SMC1A: variants seen among roughly 807,000 people sequenced by gnomAD.
SMC1A encodes the protein structural maintenance of chromosomes protein 1A.
SMC1A carries 4 observed loss-of-function variants against 94.5 expected under a neutral mutation model. The ratio of observed to expected loss-of-function variants is 0.04; its 90% CI spans 0.02 to 0.10. The LOEUF (loss-of-function observed/expected upper bound fraction) is 0.10, where lower values mean the gene tolerates loss of function less well. Among genes scored for constraint, SMC1A ranks in the 10% least tolerant of loss-of-function variants. The pLI is 1.00. For synonymous variants in SMC1A, 345 were observed against 347.7 expected (o/e 0.99, Z 0.09); for missense variants, 304 against 989.0 (o/e 0.31, Z 9.29).
intron 23 of SMC1A, 112 bp downstream of exon 23, chrX:53,380,892 GGGCCCAGCCTCCCA>G: frequency 4.4e-6 from 3 of 676,207 alleles, no homozygotes; most frequent in Non-Finnish European, 7.3e-6. Flanking sequence ...GGATGACTCT[GGGCCCAGCCTCCCA>G]GGCACAGAGA....
chrX:53,389,906 A>C (rs1328620115), intron 19 of SMC1A, among the ~76,000 whole-genome samples: 1 of 88,988 alleles, frequency 1.1e-5, no homozygotes, highest in African/African-American at 4.4e-5. Context: ...CTGGAGTGCA[A>C]TGGCGTGATC....
At position 53,375,381 on chromosome X, in the gene SMC1A, G is replaced by A. The variant is rs2075556177; in HGVS notation, c.*4722C>T. The A allele has an allele frequency of 8.9e-6, 1 of 111,765 alleles. No individual in the cohort carries two copies. The highest frequency in any genetic ancestry group is 3.3e-5 in the African/African-American group (1 of 30,667). 9.2% of individuals were successfully genotyped at this position (111,765 alleles called of 1,213,427 possible). A position where few individuals can be genotyped will look rare whatever the true frequency, so the allele number is the denominator to read the frequency against. On this transcript the variant is annotated 3_prime_UTR_variant, in exon 25 of 25. Coordinates refer to ENST00000322213, the MANE Select transcript of SMC1A (RefSeq NM_006306.4). ...CTTCCTAGCAGTCGGACCTTAGGAAGTTAATTCCCCTCTGAGGACCTCAGA... is the reference window on the plus strand; with the variant it reads ...CTTCCTAGCAGTCGGACCTTAGGAAATTAATTCCCCTCTGAGGACCTCAGA...
intron 23 of SMC1A, 85 bp downstream of exon 23, chrX:53,380,933 G>T: frequency 2.4e-6 from 2 of 836,895 alleles, no homozygotes; most frequent in Non-Finnish European, 3.6e-6. Context: ...AGCAGGAACG[G>T]CTAGGGCACG....
rs1556890216 is a variant in SMC1A at position 53,409,481 on chromosome X, C to T, written c.1277G>A (p.Arg426Gln). 8.3e-7 allele frequency: 1 copy of T among 1,210,605 alleles called. No homozygotes were observed. ...ETEAKIKQKL[R>Q]EIEENQKRIE... ...CCGCTTCTGATTCTCTTCAATTTCCCGCAGCTTTTGCTTGATCTTGGCCTG... is the reference window on the plus strand; with the variant it reads ...CCGCTTCTGATTCTCTTCAATTTCCTGCAGCTTTTGCTTGATCTTGGCCTG... The change falls in exon 8 of 25, where the codon CGG becomes CAG. Residue 426 changes from arginine to glutamine, a missense_variant. Transcript: ENST00000322213.
At position 53,382,354 on chromosome X, in the gene SMC1A, C is replaced by T; in HGVS notation, c.3315G>A (p.Glu1105=). ...TGTAGTTGATGCCATCCAAGTAGGG[C>T]TCTTCAGGGTTCTCAGGGCCCAGGA... ...QAFLGPENPE[E]PYLDGINYNC... The change falls in exon 22 of 25, where the codon GAG becomes GAA. Residue 1105 remains glutamate (E), a synonymous_variant. Transcript: ENST00000322213. 2.5e-6 allele frequency: 3 copies of T among 1,209,650 alleles called. No homozygotes were observed. Among genetic ancestry groups the T allele is most frequent in the South Asian group, 3.5e-5 (2 of 56,581 alleles).
chrX:53,385,426 A>G (rs1458857855), intron 19 of SMC1A, among the ~76,000 whole-genome samples: 1 of 107,264 alleles, frequency 9.3e-6, no homozygotes, highest in African/African-American at 3.4e-5. Context: ...ACCCGCCACC[A>G]TGCCCGGCTA....
chrX:53,413,515 G>T, intron 3 of SMC1A, 80 bp from the exon 4 acceptor site: 1 of 942,563 alleles, frequency 1.1e-6, no homozygotes, highest in Non-Finnish European at 1.5e-6. Context: ...CCTTCACCCA[G>T]AAAAAGTTAC....
rs782746415 is a variant in SMC1A, at chrX:53,378,107, T to C, written c.*1996A>G. On this transcript the variant is annotated 3_prime_UTR_variant, in exon 25 of 25. Coordinates refer to ENST00000322213, the MANE Select transcript of SMC1A (RefSeq NM_006306.4). ...TAGGATAACAATGTTAGACCTCAGA[T>C]CAACCTCAAGAAAAATACTGAGTAA... 5 of 112,190 alleles carry C rather than the reference T, an allele frequency of 4.5e-5. No homozygotes were observed. The highest frequency in any genetic ancestry group is 2.8e-4 in the East Asian group (1 of 3,614). The allele number at this position is 112,190 out of a possible 1,213,427, so 9.2% of individuals were successfully genotyped here.
chrX:53,388,996 CAA>C (rs782012322), intron 19 of SMC1A, among the ~76,000 whole-genome samples: 7 of 31,314 alleles, frequency 2.2e-4, no homozygotes, highest in African/African-American at 4.6e-4. Context: ...GACTCCATCT[CAA>C]AAAAAAAAAA....
intron 13 of SMC1A, among the ~76,000 whole-genome samples, 171 bp from the exon 14 acceptor site, chrX:53,404,064 A>T (rs1364612051): frequency 9.0e-6 from 1 of 111,236 alleles, no homozygotes; most frequent in Non-Finnish European, 1.9e-5. Flanking sequence ...AAGCCATCAC[A>T]TGGCTTCTTC....
At chrX:53,398,299 A>G (rs2075659495) in intron 16 of SMC1A, among the ~76,000 whole-genome samples, 1 of 111,541 alleles carries the variant, frequency 9.0e-6, no homozygotes, top group Admixed American at 9.6e-5. Flanking sequence ...GTCAAACAAT[A>G]AGTTCAAACC....
At chrX:53,417,521 A>G (rs1267886914) in intron 1 of SMC1A, among the ~76,000 whole-genome samples, 7 of 102,978 alleles carry the variant, frequency 6.8e-5, no homozygotes, top group African/African-American at 2.5e-4. Flanking sequence ...ATTGCACTCC[A>G]GCCTGGGCAA....
intron 1 of SMC1A, among the ~76,000 whole-genome samples, chrX:53,419,558 G>A (rs2075746274): frequency 9.2e-6 from 1 of 108,546 alleles, no homozygotes; most frequent in Non-Finnish European, 1.9e-5. Context: ...AGGCGCGGTG[G>A]CTCACACCTG....
At chrX:53,380,479 G>A in intron 24 of SMC1A, 141 bp downstream of exon 24, 1 of 503,878 alleles carries the variant, frequency 2.0e-6, no homozygotes, top group South Asian at 2.8e-5. Context: ...CAGAGGCAGG[G>A]CTCCAACAAG....
At chrX:53,408,787 C>T (rs956862174) in intron 9 of SMC1A, among the ~76,000 whole-genome samples, 2 of 99,208 alleles carry the variant, frequency 2.0e-5, no homozygotes, top group East Asian at 3.1e-4. Context: ...TTCAGAAAGA[C>T]GCAATTGGTA....
At position 53,383,877 on chromosome X, in the gene SMC1A, G is replaced by A. The variant is rs182950742; in HGVS notation, c.2974-624C>T. 4.1e-3 allele frequency among the ~76,000 whole-genome samples: 454 copies of A among 111,709 alleles called. 1 individual carries two copies. Among genetic ancestry groups the A allele is most frequent in the Middle Eastern group, 0.032 (7 of 217 alleles). ...GAGCTCAGGGGTCTAACAGAGGAAT[G>A]CACATAAGTAAACAACCAGAATACT... On this transcript the variant is annotated intron_variant, in intron 19 of 24. Transcript: ENST00000322213.
Position 53,411,980 on chromosome X carries a change from C to T in SMC1A, c.1113+15G>A, listed in dbSNP as rs2075714884. 2 of 1,209,549 alleles carry T rather than the reference C, an allele frequency of 1.7e-6. No individual in the cohort carries two copies. Among genetic ancestry groups the T allele is most frequent in the Non-Finnish European group, 2.2e-6 (2 of 895,090 alleles). On this transcript the variant is annotated intron_variant, in intron 6 of 24. Coordinates refer to ENST00000322213, the MANE Select transcript of SMC1A (RefSeq NM_006306.4). ...CCCAGGGATCTCCTCCCTGCCAACC[C>T]CTTCCAGAGCTTACCTGATTCTCCT...
Position 53,402,885 on chromosome X carries a change from A to AAAAAAAAAAAAAAAAAAAAAAG in SMC1A, c.2420+680_2420+681insCTTTTTTTTTTTTTTTTTTTTT, listed in dbSNP as rs1447321369. 9.2e-5 allele frequency among the ~76,000 whole-genome samples: 8 copies of AAAAAAAAAAAAAAAAAAAAAAG among 86,972 alleles called. No homozygotes were observed. The East Asian group carries it at 2.3e-3, about 25-fold the overall frequency. 75.5% of individuals were successfully genotyped at this position (86,972 alleles called of 115,157 possible). A position where few individuals can be genotyped will look rare whatever the true frequency, so the allele number is the denominator to read the frequency against. On this transcript the variant is annotated intron_variant, in intron 15 of 24. Transcript: ENST00000322213. ...CTCTGTCTCAAAAAAAAAAAAAAAA[A>AAAAAAAAAAAAAAAAAAAAAAG]GGGCCGGCAATATGGCTCACACCTA...
At chrX:53,422,657 G>C (rs994363000), upstream of SMC1A, 2 of 797,772 alleles carry the variant, frequency 2.5e-6, no homozygotes, top group Non-Finnish European at 1.9e-6. Flanking sequence ...CGAGAACTGA[G>C]GTAGCCCGCG....
Sources: allele counts gnomAD v4.1 joint callset (sites outside exome capture counted in the v4.1 genomes callset), GRCh38; gene constraint gnomAD v4.1.1; transcripts MANE v1.5; gene names NCBI Gene and HGNC (gene_info 2026-07-23, HGNC 2026-07-21).